Variants in AGBL4 observed in about 807,000 individuals in gnomAD.
AGBL4 encodes AGBL carboxypeptidase 4, also known as cytosolic carboxypeptidase 6.
A neutral mutation model predicts 66.4 loss-of-function variants in AGBL4; 58 were observed. The ratio of observed to expected loss-of-function variants is 0.87; its 90% confidence interval spans 0.71 to 1.09. The LOEUF (loss-of-function observed/expected upper bound fraction) is 1.09. AGBL4 is among the 50% of genes least tolerant of loss of function. The pLI is 0.00. For missense variants in AGBL4, 579 were observed against 631.0 expected (o/e 0.92, Z 0.88); for synonymous variants, 234 against 222.9 (o/e 1.05, Z -0.44).
chr1:49,631,769 A>T (rs1645573747), intron 3 of AGBL4, among the ~76,000 whole-genome samples: 1 of 152,234 alleles, frequency 6.6e-6, no homozygotes, highest in South Asian at 2.1e-4. Context: ...AAGAAAGAAG[A>T]ACTGAATGTG....
At chr1:49,606,151 AG>A (rs1479282599) in intron 3 of AGBL4, among the ~76,000 whole-genome samples, 2 of 152,146 alleles carry the variant, frequency 1.3e-5, no homozygotes, top group African/African-American at 4.8e-5. Context: ...AATGAGTAAT[AG>A]GGGATTGAGG....
chr1:48,717,438 A>T (rs559116885), intron 6 of AGBL4, among the ~76,000 whole-genome samples: 1 of 152,318 alleles, frequency 6.6e-6, no homozygotes, highest in South Asian at 2.1e-4. Flanking sequence ...TTTCAGATTT[A>T]TTTATGCTGA....
chr1:49,015,637 G>A (rs1331108492), intron 5 of AGBL4, among the ~76,000 whole-genome samples: 1 of 151,578 alleles, frequency 6.6e-6, no homozygotes, highest in African/African-American at 2.4e-5. Flanking sequence ...TGTTAGCCAG[G>A]ATGGTCTCGA....
intron 5 of AGBL4, among the ~76,000 whole-genome samples, chr1:48,899,125 C>G (rs1371897559): frequency 1.3e-5 from 2 of 152,230 alleles, no homozygotes; most frequent in Admixed American, 6.5e-5. Context: ...GTGAAGCCCC[C>G]GACAGGCCCC....
intron 4 of AGBL4, among the ~76,000 whole-genome samples, chr1:49,140,165 A>G (rs2148091756): frequency 6.6e-6 from 1 of 152,326 alleles, no homozygotes; most frequent in Admixed American, 6.5e-5. Flanking sequence ...TTTTTGACTG[A>G]GTGTTAGGCC....
chr1:49,405,090 A>C (rs533677662), intron 3 of AGBL4, among the ~76,000 whole-genome samples: 1 of 152,120 alleles, frequency 6.6e-6, no homozygotes, highest in Admixed American at 6.5e-5. Flanking sequence ...CTATTCTCTC[A>C]ATGTCTACTT....
At chr1:48,773,012 G>A (rs1399765826) in intron 6 of AGBL4, among the ~76,000 whole-genome samples, 1 of 152,096 alleles carries the variant, frequency 6.6e-6, no homozygotes, top group African/African-American at 2.4e-5. Context: ...GACATGAAAA[G>A]TCAACGCCTG....
At chr1:49,914,311 T>C (rs1331281985) in intron 1 of AGBL4, among the ~76,000 whole-genome samples, 2 of 152,240 alleles carry the variant, frequency 1.3e-5, no homozygotes, top group Non-Finnish European at 2.9e-5. Context: ...TCCTTGTTCA[T>C]CACTCCTAAG....
intron 8 of AGBL4, among the ~76,000 whole-genome samples, chr1:48,650,526 C>G (rs905966070): frequency 6.6e-5 from 10 of 151,900 alleles, no homozygotes; most frequent in Admixed American, 6.6e-4. Context: ...CCTTCCCTCT[C>G]TCCCTCCCCC....
intron 3 of AGBL4, among the ~76,000 whole-genome samples, chr1:49,255,607 T>C (rs537474370): frequency 1.3e-5 from 2 of 152,270 alleles, no homozygotes; most frequent in South Asian, 4.1e-4. Flanking sequence ...AGTGTGGCAA[T>C]TCCTCAAAAA....
At chr1:48,991,027 T>G (rs1482958672) in intron 5 of AGBL4, among the ~76,000 whole-genome samples, 2 of 152,168 alleles carry the variant, frequency 1.3e-5, no homozygotes, top group African/African-American at 4.8e-5. Context: ...TGTTATAATA[T>G]CCTATGTTTT....
intron 2 of AGBL4, among the ~76,000 whole-genome samples, chr1:49,723,390 ACTC>A (rs1345586946): frequency 6.6e-6 from 1 of 151,856 alleles, no homozygotes; most frequent in Non-Finnish European, 1.5e-5. Context: ...TTGAGCCTAT[ACTC>A]CCTTTTCTGC....
At chr1:49,619,891 A>T (rs933078560) in intron 3 of AGBL4, among the ~76,000 whole-genome samples, 24 of 152,190 alleles carry the variant, frequency 1.6e-4, no homozygotes, top group African/African-American at 5.8e-4. Context: ...TATTTAATAA[A>T]TGGTTTTGGG....
intron 11 of AGBL4, among the ~76,000 whole-genome samples, chr1:48,553,680 TAATTTTCTAC>T (rs909471300): frequency 2.7e-4 from 41 of 152,214 alleles, no homozygotes; most frequent in African/African-American, 9.9e-4. Context: ...AGAGTATTCA[TAATTTTCTAC>T]AATTTTCAAA....
At chr1:48,607,642 A>C (rs1465865281) in intron 9 of AGBL4, among the ~76,000 whole-genome samples, 1 of 152,068 alleles carries the variant, frequency 6.6e-6, no homozygotes, top group Non-Finnish European at 1.5e-5. Context: ...AAAAAGAGAA[A>C]GTCTGTTGAA....
intron 3 of AGBL4, among the ~76,000 whole-genome samples, chr1:49,459,103 T>C (rs1403663216): frequency 6.6e-6 from 1 of 151,640 alleles, no homozygotes; most frequent in African/African-American, 2.4e-5. Context: ...GGTATTAGGG[T>C]GATACTGGCT....
chr1:49,909,099 A>G (rs909880398), intron 1 of AGBL4, among the ~76,000 whole-genome samples: 5 of 152,172 alleles, frequency 3.3e-5, no homozygotes, highest in African/African-American at 1.2e-4. Flanking sequence ...AAAGGTACTT[A>G]ACTGCACTGT....
intron 1 of AGBL4, among the ~76,000 whole-genome samples, chr1:49,982,655 C>T (rs746763050): frequency 1.8e-4 from 28 of 152,184 alleles, no homozygotes; most frequent in East Asian, 5.8e-4. Flanking sequence ...TGGGGACTTA[C>T]GGTGCTTTTT....
chr1:49,184,651 A>G (rs1423381307), intron 4 of AGBL4, among the ~76,000 whole-genome samples: 1 of 152,198 alleles, frequency 6.6e-6, no homozygotes, highest in Non-Finnish European at 1.5e-5. Flanking sequence ...TTTAAGAATG[A>G]CTTTTGACCT....
Sources: allele counts gnomAD v4.1 joint callset (sites outside exome capture counted in the v4.1 genomes callset), GRCh38; gene constraint gnomAD v4.1.1; transcripts MANE v1.5; gene names NCBI Gene and HGNC (gene_info 2026-07-23, HGNC 2026-07-21).